ROR2: variants seen among roughly 807,000 people sequenced by gnomAD.
ROR2 encodes tyrosine-protein kinase transmembrane receptor ROR2.
In ROR2, 33 loss-of-function variants were observed where a neutral mutation model predicts 74.9. The observed-to-expected ratio is 0.44, with a 90% CI of 0.33 to 0.59. The LOEUF is 0.59. Ranked by LOEUF, ROR2 falls within the 20% of genes least tolerant of loss-of-function variation. The probability of loss-of-function intolerance (pLI) is 0.02; values close to 1 mark genes in which losing one functional copy is unlikely to be tolerated. For missense variants in ROR2, 1,216 were observed against 1,313.8 expected (o/e 0.93, Z 1.15); for synonymous variants, 586 against 558.7 (o/e 1.05, Z -0.69).
At chr9:91,738,874 C>T (rs939454015) in intron 4 of ROR2, among the ~76,000 whole-genome samples, 2 of 152,182 alleles carry the variant, frequency 1.3e-5, no homozygotes, top group Non-Finnish European at 2.9e-5. Flanking sequence ...TTTCCCAGGT[C>T]CCCAGGTTGG....
At chr9:91,837,656 T>C (rs1404689521) in intron 1 of ROR2, among the ~76,000 whole-genome samples, 2 of 152,246 alleles carry the variant, frequency 1.3e-5, no homozygotes, top group Admixed American at 1.3e-4. Context: ...AAATTTTTCA[T>C]GTCCCAGTTG....
At chr9:91,910,835 TG>T (rs796894040) in intron 1 of ROR2, among the ~76,000 whole-genome samples, 26 of 152,290 alleles carry the variant, frequency 1.7e-4, no homozygotes, top group African/African-American at 6.3e-4. Context: ...AGCTAATTTT[TG>T]TATTTTTAGT....
At chr9:91,901,747 T>C (rs915915072) in intron 1 of ROR2, among the ~76,000 whole-genome samples, 1 of 141,508 alleles carries the variant, frequency 7.1e-6, no homozygotes, top group Non-Finnish European at 1.5e-5. Context: ...ACCCAGGAGG[T>C]GGAGGTTGCA....
intron 1 of ROR2, among the ~76,000 whole-genome samples, chr9:91,802,537 G>T (rs1157649009): frequency 6.6e-6 from 1 of 152,102 alleles, no homozygotes; most frequent in Non-Finnish European, 1.5e-5. Flanking sequence ...CATTGTCTCT[G>T]GGCAGCAGTT....
At chr9:91,839,991 C>T (rs941240461) in intron 1 of ROR2, among the ~76,000 whole-genome samples, 3 of 152,152 alleles carry the variant, frequency 2.0e-5, no homozygotes, top group Non-Finnish European at 4.4e-5. Context: ...CTGCGTTGCC[C>T]ACAGCGCTGT....
chr9:91,931,693 A>T (rs141592107), intron 1 of ROR2, among the ~76,000 whole-genome samples: 2 of 152,294 alleles, frequency 1.3e-5, no homozygotes, highest in East Asian at 3.9e-4. Context: ...TAAAACCACA[A>T]AATAACTCCC....
chr9:91,846,415 T>C (rs1828932879), intron 1 of ROR2, among the ~76,000 whole-genome samples: 1 of 152,122 alleles, frequency 6.6e-6, no homozygotes, highest in African/African-American at 2.4e-5. Flanking sequence ...AAGGCGGCCA[T>C]CTACAAGCCA....
At chr9:91,851,279 G>A (rs984064764) in intron 1 of ROR2, among the ~76,000 whole-genome samples, 14 of 151,392 alleles carry the variant, frequency 9.2e-5, no homozygotes, top group South Asian at 4.2e-4. Context: ...TTGAACCCGG[G>A]AGGTGGAGCT....
chr9:91,796,160 G>A (rs796766812), intron 1 of ROR2, among the ~76,000 whole-genome samples: 9 of 152,270 alleles, frequency 5.9e-5, no homozygotes, highest in African/African-American at 2.2e-4. Flanking sequence ...GAACACTTTT[G>A]GCCAGGCACA....
intron 1 of ROR2, among the ~76,000 whole-genome samples, chr9:91,805,698 C>T (rs146297185): frequency 1.3e-5 from 2 of 152,308 alleles, no homozygotes; most frequent in East Asian, 3.9e-4. Flanking sequence ...CAAGTATGAA[C>T]ATACGTACAC....
chr9:91,731,369 T>C (rs1002365772), intron 6 of ROR2, among the ~76,000 whole-genome samples: 2 of 152,134 alleles, frequency 1.3e-5, no homozygotes, highest in African/African-American at 4.8e-5. Flanking sequence ...TTGTCTAAAG[T>C]TATTCCACAG....
At chr9:91,821,402 T>C (rs922505023) in intron 1 of ROR2, among the ~76,000 whole-genome samples, 2 of 152,168 alleles carry the variant, frequency 1.3e-5, no homozygotes, top group Admixed American at 6.5e-5. Context: ...GCACCTCCCC[T>C]CCACCATGGA....
intron 4 of ROR2, among the ~76,000 whole-genome samples, chr9:91,749,366 C>T (rs1191842311): frequency 6.6e-6 from 1 of 152,168 alleles, no homozygotes; most frequent in Non-Finnish European, 1.5e-5. Context: ...GGGGGTTCTC[C>T]TCCTGCCTTC....
Position 91,726,577 on chromosome 9 carries a change from T to G in ROR2, c.1350A>C (p.Gln450His). ...GGTTAATGAGGGGCATTTCCATGTCTTGGCTGGGCGAGGCCATCAGCTGTC... is the reference window on the plus strand; with the variant it reads ...GGTTAATGAGGGGCATTTCCATGTCGTGGCTGGGCGAGGCCATCAGCTGTC... ...QRRQLMASPS[Q>H]DMEMPLINQH... Residue 450 changes from glutamine (Q) to histidine (H), a missense_variant, in exon 8 of 9, where the codon CAA (glutamine) becomes CAC (histidine). By Grantham distance (24) the Gln-to-His change is conservative. Coordinates refer to ENST00000375708, the MANE Select transcript of ROR2 (RefSeq NM_004560.4). 1 of 1,613,354 alleles carries G rather than the reference T, an allele frequency of 6.2e-7. No homozygotes were observed. Among genetic ancestry groups the G allele is most frequent in the Non-Finnish European group, 8.5e-7 (1 of 1,180,048 alleles).
At chr9:91,879,332 AG>A (rs1255645353) in intron 1 of ROR2, among the ~76,000 whole-genome samples, 1 of 152,222 alleles carries the variant, frequency 6.6e-6, no homozygotes, top group African/African-American at 2.4e-5. Context: ...ACAGAGGACA[AG>A]CAGTAAGAGA....
At chr9:91,771,248 G>A (rs1258837316) in intron 2 of ROR2, among the ~76,000 whole-genome samples, 1 of 152,238 alleles carries the variant, frequency 6.6e-6, no homozygotes, top group Non-Finnish European at 1.5e-5. Flanking sequence ...TTTTGGCTGA[G>A]CCAGAACAGG....
intron 1 of ROR2, among the ~76,000 whole-genome samples, chr9:91,949,391 G>A (rs2118122025): frequency 6.6e-6 from 1 of 151,756 alleles, no homozygotes; most frequent in Non-Finnish European, 1.5e-5. Context: ...CCAGGATTCT[G>A]CCAGGCATCA....
chr9:91,769,000 G>C (rs1826144738), intron 2 of ROR2, among the ~76,000 whole-genome samples: 1 of 152,178 alleles, frequency 6.6e-6, no homozygotes, highest in Admixed American at 6.5e-5. Context: ...TGTTTGTTTT[G>C]TCCAATGGAT....
At position 91,949,859 on chromosome 9, in the gene ROR2, G is replaced by A; in HGVS notation, c.97+8C>T. 6.6e-7 allele frequency: 1 copy of A among 1,523,592 alleles called. No individual in the cohort carries two copies. The highest frequency in any genetic ancestry group is 8.9e-7 in the Non-Finnish European group (1 of 1,124,814). 94.4% of individuals were successfully genotyped at this position (1,523,592 alleles called of 1,614,324 possible). ...CGTCTGCGCACAAGCCGGAACGCCA[G>A]ATCCTACCTGAAGTCCGGGACACTG... On this transcript the variant is annotated splice_region_variant and intron_variant, in intron 1 of 8. Transcript: ENST00000375708.
Sources: allele counts gnomAD v4.1 joint callset (sites outside exome capture counted in the v4.1 genomes callset), GRCh38; gene constraint gnomAD v4.1.1; transcripts MANE v1.5; gene names NCBI Gene and HGNC (gene_info 2026-07-23, HGNC 2026-07-21).